Variants in DPP8 observed in about 807,000 individuals in gnomAD.
DPP8 encodes the protein dipeptidyl peptidase 8.
A neutral mutation model predicts 107.5 loss-of-function variants in DPP8; 31 were observed. That is an observed-to-expected ratio of 0.29 (90% CI 0.22 to 0.39). The LOEUF is 0.39. Among genes scored for constraint, DPP8 ranks in the 10% least tolerant of loss-of-function variants. The pLI is 1.00. For missense variants in DPP8, 842 were observed against 1,076.1 expected (o/e 0.78, Z 3.04); for synonymous variants, 381 against 356.6 (o/e 1.07, Z -0.77).
At chr15:65,511,701 C>G (rs1423077595) in intron 2 of DPP8, among the ~76,000 whole-genome samples, 1 of 150,494 alleles carries the variant, frequency 6.6e-6, no homozygotes, top group Non-Finnish European at 1.5e-5. Flanking sequence ...TTTAATATCT[C>G]CATACACACA....
chr15:65,492,204 T>G (rs185561256), intron 5 of DPP8, among the ~76,000 whole-genome samples: 2 of 152,052 alleles, frequency 1.3e-5, no homozygotes, highest in African/African-American at 4.8e-5. Context: ...TAGCCAGGTG[T>G]GATGGCAGGT....
At chr15:65,516,529 T>C (rs1306124546) in intron 1 of DPP8, 4 of 151,416 alleles carry the variant, frequency 2.6e-5, no homozygotes, top group Non-Finnish European at 1.5e-5. Flanking sequence ...AGGGATGGGG[T>C]GGGAAAAGCT....
At chr15:65,499,105 G>GTGTATATATA (rs1555468189) in intron 4 of DPP8, among the ~76,000 whole-genome samples, 2 of 138,828 alleles carry the variant, frequency 1.4e-5, no homozygotes, top group African/African-American at 5.3e-5. Context: ...GTGTGTGTGT[G>GTGTATATATA]TATATATAAA....
At chr15:65,448,271 A>C (rs2063617089) in intron 19 of DPP8, among the ~76,000 whole-genome samples, 1 of 151,906 alleles carries the variant, frequency 6.6e-6, no homozygotes, top group Non-Finnish European at 1.5e-5. Flanking sequence ...ATGGTAGCTC[A>C]CCCTGCAATC....
intron 5 of DPP8, among the ~76,000 whole-genome samples, chr15:65,492,878 G>A (rs562641589): frequency 1.8e-4 from 27 of 152,182 alleles, no homozygotes; most frequent in Middle Eastern, 3.4e-3. Flanking sequence ...GATTACAGGT[G>A]TGAGCCACTG....
Position 65,452,096 on chromosome 15 carries a change from T to C in DPP8, c.2278A>G (p.Ile760Val), listed in dbSNP as rs1231651435. 3.7e-6 allele frequency: 6 copies of C among 1,603,526 alleles called. No homozygotes were observed. The highest frequency in any genetic ancestry group is 1.1e-5 in the South Asian group (1 of 88,606). ...CACAGAGTGACTGGGGCCCCAGCAA[T>C]AGCAACCTGCATAAGATGACATTGA... is the stretch of plus-strand genomic sequence containing the variant. ...MQRSDIFRVA[I>V]AGAPVTLWIF... The change falls in exon 18 of 20, where the codon ATT becomes GTT. Residue 760 changes from isoleucine to valine, a missense_variant. Coordinates refer to ENST00000300141, the MANE Select transcript of DPP8 (RefSeq NM_130434.5).
At chr15:65,516,093 T>C (rs1596181390) in intron 1 of DPP8, 1 of 316,526 alleles carries the variant, frequency 3.2e-6, no homozygotes, top group Non-Finnish European at 5.7e-6. Context: ...GGCATACAGA[T>C]GTGAAGTTAC....
intron 12 of DPP8, among the ~76,000 whole-genome samples, chr15:65,469,181 G>C (rs999680267): frequency 2.0e-5 from 3 of 151,636 alleles, no homozygotes; most frequent in African/African-American, 7.3e-5. Flanking sequence ...CACCATGTTG[G>C]CCAGGCTGGT....
At chr15:65,456,395 T>C (rs1160287667) in intron 15 of DPP8, 24 bp from the exon 16 acceptor site, 2 of 1,600,200 alleles carry the variant, frequency 1.2e-6, no homozygotes, top group Non-Finnish European at 8.5e-7. Flanking sequence ...ACAACTTCAG[T>C]TTATCATATG....
At chr15:65,512,728 TTC>T (rs1439957071) in intron 1 of DPP8, 164 bp from the exon 2 acceptor site, 1 of 652,882 alleles carries the variant, frequency 1.5e-6, no homozygotes, top group Non-Finnish European at 2.6e-6. Context: ...CAGCTCTCCC[TTC>T]TCTGTGTTCA....
chr15:65,500,861 A>T, intron 3 of DPP8, 82 bp from the exon 4 acceptor site: 3 of 891,624 alleles, frequency 3.4e-6, no homozygotes. Flanking sequence ...AGAATCTCCA[A>T]CATTATTGAC....
At chr15:65,505,467 C>T (rs929110747) in intron 3 of DPP8, among the ~76,000 whole-genome samples, 15 of 152,040 alleles carry the variant, frequency 9.9e-5, no homozygotes, top group Admixed American at 5.9e-4. Flanking sequence ...AAATATTTCA[C>T]GTTATTCCAC....
At position 65,466,024 on chromosome 15, in the gene DPP8, CAA is replaced by C. The variant is rs2065318352; in HGVS notation, c.1825+652_1825+653del. Among the ~76,000 whole-genome samples the C allele has an allele frequency of 2.0e-5, 3 of 152,288 alleles. No individual in the cohort carries two copies. In the South Asian group the frequency reaches 6.2e-4, roughly 32 times the overall value. ...TCTCCAAAGTTGCAGCTTCCTTGCT[CAA>C]AGAGTCTTACTAGTTCAGAATACTA... On this transcript the variant is annotated intron_variant, in intron 14 of 19. Transcript: ENST00000300141.
chr15:65,487,643 T>C, intron 7 of DPP8, 47 bp downstream of exon 7: 1 of 1,567,058 alleles, frequency 6.4e-7, no homozygotes, highest in East Asian at 2.3e-5. Context: ...AGAATCTTAT[T>C]TGGAAAGAGG....
At chr15:65,486,924 A>T (rs556712820) in intron 7 of DPP8, among the ~76,000 whole-genome samples, 1 of 152,160 alleles carries the variant, frequency 6.6e-6, no homozygotes, top group Non-Finnish European at 1.5e-5. Flanking sequence ...AGAAATCACC[A>T]CTAGAGAACT....
chr15:65,479,720 T>C (rs1408270716), intron 10 of DPP8, among the ~76,000 whole-genome samples: 2 of 151,490 alleles, frequency 1.3e-5, no homozygotes, highest in African/African-American at 4.9e-5. Context: ...GGCGGGCGCC[T>C]GTAGTCCCAG....
chr15:65,512,346 C>G lies in DPP8; in HGVS notation c.208G>C (p.Val70Leu). ...MAKAPHDFMF[V>L]KRNDPDGPHS... ...GGTCCATCTGGATCATTCCTCTTCA[C>G]AAACATGAAATCATGTGGTGCCTTA... is the stretch of plus-strand genomic sequence containing the variant. The change falls in exon 2 of 20, where the codon GTG (valine) becomes CTG (leucine). Residue 70 changes from valine (V) to leucine (L), a missense_variant. Physicochemically the swap from Val to Leu is conservative, Grantham distance 32 (BLOSUM62 1). This residue lies in a region of DPP8 where 663 missense variants were observed against 758.0 expected (regional missense o/e 0.87). Transcript: ENST00000300141. 2 of 1,613,992 alleles carry G rather than the reference C, an allele frequency of 1.2e-6. No homozygotes were observed.
intron 5 of DPP8, among the ~76,000 whole-genome samples, chr15:65,492,392 TA>T (rs2068127618): frequency 6.6e-6 from 1 of 152,054 alleles, no homozygotes; most frequent in Admixed American, 6.6e-5. Flanking sequence ...TATTTCTAAG[TA>T]AATACCTACG....
chr15:65,455,714 A>G, intron 16 of DPP8: 1 of 1,245,112 alleles, frequency 8.0e-7, no homozygotes. Flanking sequence ...TGTCTTACTC[A>G]GCATGTCCAA....
Sources: allele counts gnomAD v4.1 joint callset (sites outside exome capture counted in the v4.1 genomes callset), GRCh38; gene constraint gnomAD v4.1.1; regional missense constraint gnomAD v4.1.1; transcripts MANE v1.5; gene names NCBI Gene and HGNC (gene_info 2026-07-23, HGNC 2026-07-21).